The following CA13 variants were observed in gnomAD, a reference collection of about 807,000 sequenced individuals.
The protein encoded by CA13 is CA-XIII.
Under a neutral mutation model 31.5 loss-of-function variants are expected in CA13, and 21 were observed. The ratio of observed to expected loss-of-function variants is 0.67; its 90% confidence interval spans 0.47 to 0.96. CA13 has a LOEUF of 0.96. Ranked by LOEUF, CA13 falls within the 40% of genes least tolerant of loss-of-function variation. The pLI is 0.00. For missense variants in CA13, 315 were observed against 318.9 expected, an observed-to-expected ratio of 0.99 and a Z score of 0.09; for synonymous variants, 117 against 111.4, an observed-to-expected ratio of 1.05 and a Z score of -0.32.
At chr8:85,258,161 A>G (rs1807326895) in intron 2 of CA13, among the ~76,000 whole-genome samples, 1 of 151,762 alleles carries the variant, frequency 6.6e-6, no homozygotes. Flanking sequence ...CCACCATGCC[A>G]GGCCTGTTCA....
At chr8:85,261,623 T>C (rs987931498) in intron 3 of CA13, among the ~76,000 whole-genome samples, 15 of 152,016 alleles carry the variant, frequency 9.9e-5, no homozygotes, top group Admixed American at 4.6e-4. Context: ...ACAGGGTTTC[T>C]CCATGTTGGT....
At chr8:85,280,365 A>G (rs1327363071) in intron 6 of CA13, among the ~76,000 whole-genome samples, 2 of 152,198 alleles carry the variant, frequency 1.3e-5, no homozygotes, top group Admixed American at 1.3e-4. Flanking sequence ...ATTGCCATAG[A>G]GCATGGTTAT....
In CA13 at chr8:85,245,689, G is replaced by T; in HGVS notation, c.-140G>T. 1 of 949,172 alleles carries T rather than the reference G, an allele frequency of 1.1e-6. No individual in the cohort carries two copies. Among genetic ancestry groups the T allele is most frequent in the South Asian group, 1.5e-5 (1 of 68,818 alleles). The allele number at this position is 949,172 out of a possible 1,614,324, so 58.8% of individuals were successfully genotyped here. A position where few individuals can be genotyped will look rare whatever the true frequency, so the allele number is the denominator to read the frequency against. ...GGAGGACGCAGGCGGGAGCGCCCCG[G>T]ACCGGGTTCACGGTCTCGCACTCCT... On this transcript the variant is annotated 5_prime_UTR_variant, in exon 1 of 7. Coordinates refer to ENST00000321764, the MANE Select transcript of CA13 (RefSeq NM_198584.3).
chr8:85,259,534 G>A lies in CA13; in HGVS notation c.349G>A (p.Ala117Thr). 6.2e-7 allele frequency: 1 copy of A among 1,612,644 alleles called. No individual in the cohort carries two copies. The highest frequency in any genetic ancestry group is 8.5e-7 in the Non-Finnish European group (1 of 1,178,656). The change falls in exon 3 of 7, where the codon GCA becomes ACA. Residue 117 changes from alanine (A) to threonine (T), a missense_variant. Ala to Thr is a moderately conservative substitution (Grantham distance 58, BLOSUM62 0). Coordinates refer to ENST00000321764, the MANE Select transcript of CA13 (RefSeq NM_198584.3). ...CATAGTAGATGGAGTGAGCTATGCT[G>A]CAGAGGTAAGCCATAAGACATATCT... The part of the protein sequence containing the change: ...EHIVDGVSYA[A>T]ELHVVHWNSD...
Position 85,265,870 on chromosome 8 carries a change from A to G in CA13, c.355-738A>G, listed in dbSNP as rs78516727. On this transcript the variant is annotated intron_variant, in intron 3 of 6. Transcript: ENST00000321764. The stretch of plus-strand genomic sequence containing the variant: ...TAACATGATTACATGATTACTCATA[A>G]GGAGACTTTGTGTTTTCAAGCCATA... Among the ~76,000 whole-genome samples, 35 of 152,348 alleles carry G rather than the reference A, an allele frequency of 2.3e-4. No homozygotes were observed. In the East Asian group the frequency reaches 6.7e-3, roughly 29 times the overall value.
At chr8:85,251,969 A>G (rs751706600) in intron 2 of CA13, among the ~76,000 whole-genome samples, 6 of 152,198 alleles carry the variant, frequency 3.9e-5, no homozygotes, top group Non-Finnish European at 8.8e-5. Flanking sequence ...TTAAAAAGCT[A>G]AACTGCAGCC....
intron 6 of CA13, among the ~76,000 whole-genome samples, chr8:85,279,931 A>G (rs1186469207): frequency 6.6e-6 from 1 of 152,186 alleles, no homozygotes; most frequent in African/African-American, 2.4e-5. Flanking sequence ...AAACATGAGT[A>G]ATAGTACGTT....
At chr8:85,258,013 TTAAATTTATATAAATA>T (rs1807325078) in intron 2 of CA13, among the ~76,000 whole-genome samples, 2 of 148,042 alleles carry the variant, frequency 1.4e-5, no homozygotes, top group African/African-American at 4.9e-5. Context: ...TATATACATA[TTAAATTTATATAAATA>T]TAAATTTATA....
rs1208190261 is a variant in CA13 at position 85,245,547 on chromosome 8, T to C, written c.-282T>C. The C allele has an allele frequency of 4.4e-6, 2 of 457,538 alleles. No individual in the cohort carries two copies. Among genetic ancestry groups the C allele is most frequent in the Non-Finnish European group, 7.8e-6 (2 of 257,374 alleles). The allele number at this position is 457,538 out of a possible 1,614,324, so 28.3% of individuals were successfully genotyped here. ...AGGAGATCCCCCCCGGAAACCTTTC[T>C]CTCTCCGTCTCTCCCTCTAACTCAA... is the stretch of plus-strand genomic sequence containing the variant. On this transcript the variant is annotated 5_prime_UTR_variant, in exon 1 of 7. Coordinates refer to ENST00000321764, the MANE Select transcript of CA13 (RefSeq NM_198584.3).
At chr8:85,259,234 A>C (rs1383985622) in intron 2 of CA13, among the ~76,000 whole-genome samples, 187 bp from the exon 3 acceptor site, 10 of 152,156 alleles carry the variant, frequency 6.6e-5, no homozygotes, top group Admixed American at 6.5e-4. Flanking sequence ...TAAGCTTTTA[A>C]AAATGTTCTA....
intron 4 of CA13, chr8:85,267,453 G>GA: frequency 3.5e-6 from 1 of 285,624 alleles, no homozygotes; most frequent in Non-Finnish European, 5.2e-6. Flanking sequence ...CCCTTGATTT[G>GA]GGACCTCAAA....
In CA13 at chr8:85,248,292, T is replaced by A. The variant is rs1291557709; in HGVS notation, c.37+2427T>A. ...GACCAACATGGAGAAATCTCGTTTC[T>A]ACTAAAAATACAAAATTAGCTGGGC... On this transcript the variant is annotated intron_variant, in intron 1 of 6. Coordinates refer to ENST00000321764, the MANE Select transcript of CA13 (RefSeq NM_198584.3). Among the ~76,000 whole-genome samples, 6 of 151,970 alleles carry A rather than the reference T, an allele frequency of 3.9e-5. No homozygotes were observed. The East Asian group carries it at 1.2e-3, about 29-fold the overall frequency.
Position 85,278,265 on chromosome 8 carries a change from CA to C in CA13, c.670-2942del, listed in dbSNP as rs1012685036. Among the ~76,000 whole-genome samples the C allele has an allele frequency of 6.9e-3, 530 of 76,954 alleles. 2 individuals are homozygous for C. Among genetic ancestry groups the C allele is most frequent in the African/African-American group, 0.023 (437 of 18,768 alleles). 50.5% of individuals were successfully genotyped at this position (76,954 alleles called of 152,430 possible). A position where few individuals can be genotyped will look rare whatever the true frequency, so the allele number is the denominator to read the frequency against. On this transcript the variant is annotated intron_variant, in intron 6 of 6. Transcript: ENST00000321764. ...TGGGTGACAGAGCAAGACTCTATCTCAAAAAAAAAAAAAAAAAAAAAAAGTG... is the reference window on the plus strand; with the variant it reads ...TGGGTGACAGAGCAAGACTCTATCTCAAAAAAAAAAAAAAAAAAAAAAGTG...
chr8:85,256,786 AATT>A (rs2129962412), intron 2 of CA13, among the ~76,000 whole-genome samples: 2 of 152,340 alleles, frequency 1.3e-5, no homozygotes, highest in Admixed American at 1.3e-4. Context: ...AGTATTGAAT[AATT>A]GCTAGCCCAT....
chr8:85,271,709 G>T (rs1240311681), intron 6 of CA13, among the ~76,000 whole-genome samples: 1 of 152,170 alleles, frequency 6.6e-6, no homozygotes, highest in African/African-American at 2.4e-5. Context: ...TGAAACTCAT[G>T]AATTTTAAGT....
At chr8:85,252,541 A>G (rs965577219) in intron 2 of CA13, among the ~76,000 whole-genome samples, 10 of 152,228 alleles carry the variant, frequency 6.6e-5, no homozygotes, top group Non-Finnish European at 4.4e-5. Context: ...AATTTATTAA[A>G]TAAGTGATGA....
At chr8:85,267,564 G>A (rs1383911033) in intron 4 of CA13, among the ~76,000 whole-genome samples, 1 of 152,100 alleles carries the variant, frequency 6.6e-6, no homozygotes, top group African/African-American at 2.4e-5. Flanking sequence ...GCTTAGTAGT[G>A]CAGGTTATTT....
intron 2 of CA13, among the ~76,000 whole-genome samples, chr8:85,254,214 G>T (rs1807245184): frequency 6.7e-6 from 1 of 150,108 alleles, no homozygotes; most frequent in African/African-American, 2.5e-5. Context: ...GGAGGCGCAG[G>T]TTGCAGTGAG....
Position 85,281,939 on chromosome 8 carries a change from T to C in CA13, c.*590T>C, listed in dbSNP as rs759149925. On this transcript the variant is annotated 3_prime_UTR_variant, in exon 7 of 7. Transcript: ENST00000321764. ...GTCTACTTCAACCTGTGTGAAAATA[T>C]AGTTAACATTGCAAACTTTAGAATG... 2 of 152,210 alleles carry C rather than the reference T, an allele frequency of 1.3e-5. No individual in the cohort carries two copies. Among genetic ancestry groups the C allele is most frequent in the African/African-American group, 4.8e-5 (2 of 41,452 alleles). 9.4% of individuals were successfully genotyped at this position (152,210 alleles called of 1,614,324 possible).
Sources: gnomAD v4.1 joint callset for allele counts (sites outside exome capture counted in the v4.1 genomes callset) on GRCh38, gnomAD v4.1.1 for gene constraint, MANE v1.5 for transcripts, NCBI Gene and HGNC (gene_info 2026-07-23, HGNC 2026-07-21) for gene names.